The following ESR2 variants were observed in gnomAD, a reference collection of about 807,000 sequenced individuals.
ESR2 encodes the protein estrogen receptor beta.
In ESR2, 36 loss-of-function variants were observed where a neutral mutation model predicts 49.6. The observed-to-expected ratio is 0.73, with a 90% CI of 0.56 to 0.96. The LOEUF (loss-of-function observed/expected upper bound fraction) is 0.96. Ranked by LOEUF, ESR2 falls within the 40% of genes least tolerant of loss-of-function variation. The pLI, the probability that ESR2 is intolerant of heterozygous loss-of-function variation, is 0.00. For missense variants in ESR2, 714 were observed against 693.0 expected (o/e 1.03, Z -0.34); for synonymous variants, 320 against 266.1 (o/e 1.20, Z -1.97).
intron 7 of ESR2, among the ~76,000 whole-genome samples, chr14:64,244,177 T>A (rs2075800523): frequency 6.6e-6 from 1 of 152,062 alleles, no homozygotes; most frequent in South Asian, 2.1e-4. Context: ...AGTGGGTGGA[T>A]CACTTGAGGT....
At chr14:64,332,334 A>C (rs2077470093) in intron 1 of ESR2, 1 of 152,228 alleles carries the variant, frequency 6.6e-6, no homozygotes, top group Non-Finnish European at 1.5e-5. Context: ...TGCAAACCCC[A>C]GAGGAAAATG....
intron 1 of ESR2, among the ~76,000 whole-genome samples, chr14:64,321,008 C>T (rs1266768560): frequency 1.3e-5 from 2 of 152,042 alleles, no homozygotes; most frequent in Non-Finnish European, 2.9e-5. Flanking sequence ...GATCTCTGTA[C>T]TTTATAGTCA....
intron 6 of ESR2, among the ~76,000 whole-genome samples, chr14:64,256,415 ATATAG>A (rs1358364797): frequency 1.3e-5 from 2 of 152,220 alleles, no homozygotes; most frequent in African/African-American, 4.8e-5. Context: ...CAAAAATGCT[ATATAG>A]TACATGCATT....
chr14:64,280,514 C>G lies in ESR2; in HGVS notation c.363-361G>C, dbSNP rs550149089. On this transcript the variant is annotated intron_variant, in intron 2 of 8. Transcript: ENST00000341099. ...TCAAATCTTACCCACAGGTCTGAAC[C>G]ACAGGCAGGATATGCATTGGTCTTC... Among the ~76,000 whole-genome samples, 4 of 152,274 alleles carry G rather than the reference C, an allele frequency of 2.6e-5. No individual in the cohort carries two copies. In the East Asian group the frequency reaches 5.8e-4, roughly 22 times the overall value.
At chr14:64,287,971 A>C (rs1430684923) in intron 1 of ESR2, among the ~76,000 whole-genome samples, 1 of 152,198 alleles carries the variant, frequency 6.6e-6, no homozygotes, top group Non-Finnish European at 1.5e-5. Flanking sequence ...CAACCAAAGA[A>C]CCAGTACCCA....
chr14:64,287,303 C>T (rs950895087), intron 1 of ESR2, among the ~76,000 whole-genome samples: 6 of 152,220 alleles, frequency 3.9e-5, no homozygotes, highest in African/African-American at 1.2e-4. Flanking sequence ...ACTATCAGAC[C>T]CCACCAACAA....
At chr14:64,277,059 A>C (rs2076570360) in intron 3 of ESR2, among the ~76,000 whole-genome samples, 1 of 152,176 alleles carries the variant, frequency 6.6e-6, no homozygotes, top group Non-Finnish European at 1.5e-5. Flanking sequence ...AAGCTCAAAA[A>C]ATAAGCCATG....
chr14:64,271,756 C>G (rs1003584359), intron 3 of ESR2, among the ~76,000 whole-genome samples: 2 of 152,110 alleles, frequency 1.3e-5, no homozygotes, highest in South Asian at 4.1e-4. Context: ...ATTTTATGGC[C>G]GAATAGTGGT....
At chr14:64,300,006 G>A (rs771180172) in intron 1 of ESR2, among the ~76,000 whole-genome samples, 3 of 152,106 alleles carry the variant, frequency 2.0e-5, no homozygotes, top group Non-Finnish European at 4.4e-5. Flanking sequence ...TCATAGTCAA[G>A]TCAAGTGCTT....
intron 1 of ESR2, chr14:64,336,187 T>TA (rs1053778473): frequency 6.6e-6 from 1 of 152,186 alleles, no homozygotes; most frequent in Admixed American, 6.5e-5. Context: ...CAAGCTGTGA[T>TA]AAACACTTTT....
At position 64,249,330 on chromosome 14, in the gene ESR2, T is replaced by C. The variant is rs564289535; in HGVS notation, c.1225+216A>G. Among the ~76,000 whole-genome samples the C allele has an allele frequency of 1.5e-4, 23 of 152,346 alleles. No individual in the cohort carries two copies. In the East Asian group the frequency reaches 2.3e-3, roughly 15 times the overall value. ...GCAAGTGGCTTGAGCTACTTTTAAA[T>C]TGATTGCCAGTCATTCACTTAATGA... On this transcript the variant is annotated intron_variant, in intron 7 of 8. Transcript: ENST00000341099.
chr14:64,246,692 AC>A (rs1189800125), intron 7 of ESR2, among the ~76,000 whole-genome samples: 10 of 123,366 alleles, frequency 8.1e-5, no homozygotes, highest in African/African-American at 3.1e-4. Context: ...AGATTCCACC[AC>A]TGCACTCCAC....
At chr14:64,312,327 A>C (rs2077196205) in intron 1 of ESR2, among the ~76,000 whole-genome samples, 1 of 152,186 alleles carries the variant, frequency 6.6e-6, no homozygotes, top group African/African-American at 2.4e-5. Flanking sequence ...GAGAAAACAA[A>C]ATGAAAAGGA....
At chr14:64,242,450 A>AC (rs1157549744) in intron 7 of ESR2, among the ~76,000 whole-genome samples, 1 of 145,690 alleles carries the variant, frequency 6.9e-6, no homozygotes, top group Non-Finnish European at 1.5e-5. Context: ...CAAACAAAAA[A>AC]AATATATATA....
chr14:64,292,366 A>T (rs1019846024), intron 1 of ESR2, among the ~76,000 whole-genome samples: 6 of 152,164 alleles, frequency 3.9e-5, no homozygotes, highest in African/African-American at 1.4e-4. Context: ...GGGTAATGGA[A>T]CTGTTCTGTG....
At chr14:64,324,117 A>G (rs760901367) in intron 1 of ESR2, among the ~76,000 whole-genome samples, 4 of 152,110 alleles carry the variant, frequency 2.6e-5, no homozygotes, top group Non-Finnish European at 5.9e-5. Flanking sequence ...GATGACCACC[A>G]ATGATCTGCA....
intron 7 of ESR2, among the ~76,000 whole-genome samples, chr14:64,238,276 A>G (rs10144225): frequency 0.19 from 29,468 of 152,128 alleles, 5,013 homozygotes; most frequent in African/African-American, 0.46. Flanking sequence ...CCCAGAGTCC[A>G]TCAGCCACAG....
intron 1 of ESR2, among the ~76,000 whole-genome samples, chr14:64,283,553 G>A (rs1480590641): frequency 2.0e-5 from 3 of 151,880 alleles, no homozygotes; most frequent in Non-Finnish European, 2.9e-5. Context: ...GAGGTCAGGA[G>A]TTCGAGACCA....
intron 6 of ESR2, 126 bp downstream of exon 6, chr14:64,257,100 G>A (rs1016865262): frequency 3.5e-6 from 3 of 856,868 alleles, no homozygotes; most frequent in Non-Finnish European, 5.7e-6. Context: ...TGAAGGAGCT[G>A]ATGATGCTAT....
Sources: gnomAD v4.1 joint callset for allele counts (sites outside exome capture counted in the v4.1 genomes callset) on GRCh38, gnomAD v4.1.1 for gene constraint, MANE v1.5 for transcripts, NCBI Gene and HGNC (gene_info 2026-07-23, HGNC 2026-07-21) for gene names.